Variants in ASTN2 observed in about 807,000 individuals in gnomAD.
ASTN2 encodes the protein astrotactin-2.
In ASTN2, 54 loss-of-function variants were observed where a neutral mutation model predicts 139.8. That is an observed-to-expected ratio of 0.39 (90% CI 0.31 to 0.48). The LOEUF (loss-of-function observed/expected upper bound fraction) is 0.48, where lower values mean the gene tolerates loss of function less well. Among genes scored for constraint, ASTN2 ranks in the 20% least tolerant of loss-of-function variants. The pLI is 0.95. For synonymous variants in ASTN2, 756 were observed against 719.5 expected (o/e 1.05, Z -0.81); for missense variants, 1,565 against 1,725.1 (o/e 0.91, Z 1.64).
chr9:117,195,206 T>C (rs1831464769), intron 3 of ASTN2, among the ~76,000 whole-genome samples: 1 of 151,982 alleles, frequency 6.6e-6, no homozygotes, highest in East Asian at 1.9e-4. Flanking sequence ...AGAAAAGAGG[T>C]TTGTCTGAAG....
At chr9:117,200,487 T>G (rs1564474310) in intron 3 of ASTN2, among the ~76,000 whole-genome samples, 1 of 152,166 alleles carries the variant, frequency 6.6e-6, no homozygotes, top group African/African-American at 2.4e-5. Flanking sequence ...AATATGATAT[T>G]GGCTGTGGGT....
At chr9:116,799,248 T>C (rs548388480) in intron 13 of ASTN2, among the ~76,000 whole-genome samples, 2 of 152,278 alleles carry the variant, frequency 1.3e-5, no homozygotes, top group East Asian at 1.9e-4. Context: ...GAGTGAGTGC[T>C]ACTAACAAAC....
At chr9:117,131,500 C>T (rs1438027401) in intron 4 of ASTN2, among the ~76,000 whole-genome samples, 1 of 152,120 alleles carries the variant, frequency 6.6e-6, no homozygotes, top group African/African-American at 2.4e-5. Flanking sequence ...GGAAAATTTG[C>T]ATCTGTAGAG....
intron 10 of ASTN2, among the ~76,000 whole-genome samples, chr9:116,889,720 TACACACAC>T (rs9299242): frequency 0.064 from 8,734 of 136,546 alleles, 313 homozygotes; most frequent in African/African-American, 0.097. Context: ...ACCTTGTCTC[TACACACAC>T]ACACACACAC....
chr9:116,640,868 C>T (rs1052227857), intron 17 of ASTN2, among the ~76,000 whole-genome samples: 6 of 152,076 alleles, frequency 3.9e-5, no homozygotes, highest in African/African-American at 7.2e-5. Flanking sequence ...TGAAATAGTA[C>T]AGGCAAGATT....
At chr9:116,697,920 C>T (rs1353830472) in intron 16 of ASTN2, 4 of 1,614,104 alleles carry the variant, frequency 2.5e-6, no homozygotes, top group East Asian at 2.2e-5. Flanking sequence ...CAATGGTGTC[C>T]GCTGTCCCTT....
intron 3 of ASTN2, among the ~76,000 whole-genome samples, chr9:117,164,758 C>T (rs1022858456): frequency 5.9e-5 from 9 of 152,076 alleles, no homozygotes; most frequent in African/African-American, 2.2e-4. Context: ...CTGACCCCTG[C>T]TGCTGTGAAC....
chr9:116,838,110 TGTTTTG>T (rs1832067434), intron 11 of ASTN2, among the ~76,000 whole-genome samples: 5 of 134,664 alleles, frequency 3.7e-5, no homozygotes, highest in African/African-American at 5.7e-5. Context: ...TGTTTTTTTT[TGTTTTG>T]TTTTGTTTTT....
At chr9:116,621,613 A>G (rs775916873) in intron 17 of ASTN2, among the ~76,000 whole-genome samples, 1 of 152,108 alleles carries the variant, frequency 6.6e-6, no homozygotes, top group Non-Finnish European at 1.5e-5. Flanking sequence ...TAACACATAG[A>G]CCATACCTAC....
At chr9:116,803,529 T>TA (rs1830952289) in intron 13 of ASTN2, among the ~76,000 whole-genome samples, 2 of 56,728 alleles carry the variant, frequency 3.5e-5, no homozygotes, top group Non-Finnish European at 2.9e-5. Flanking sequence ...TATATTTTTT[T>TA]TTTTTTTTTT....
At chr9:117,159,966 ATCT>A (rs1830511282) in intron 3 of ASTN2, among the ~76,000 whole-genome samples, 1 of 152,042 alleles carries the variant, frequency 6.6e-6, no homozygotes, top group African/African-American at 2.4e-5. Context: ...CATGTCTCAC[ATCT>A]TCTTTAAGCC....
chr9:116,812,922 T>G (rs1167329851), intron 12 of ASTN2, among the ~76,000 whole-genome samples: 1 of 152,080 alleles, frequency 6.6e-6, no homozygotes, highest in African/African-American at 2.4e-5. Context: ...TAAAGGAAAA[T>G]GATCCCCTGA....
At chr9:116,711,378 C>G (rs1462248603) in intron 16 of ASTN2, among the ~76,000 whole-genome samples, 2 of 152,164 alleles carry the variant, frequency 1.3e-5, no homozygotes, top group Non-Finnish European at 2.9e-5. Context: ...AGAAATAATA[C>G]AAGGTATGGC....
chr9:116,845,382 C>T (rs535650179), intron 11 of ASTN2, among the ~76,000 whole-genome samples: 12 of 152,266 alleles, frequency 7.9e-5, no homozygotes, highest in African/African-American at 2.9e-4. Context: ...GCCTCCCAAA[C>T]GTACCATTCC....
chr9:116,778,947 G>T (rs1204166338), intron 13 of ASTN2, among the ~76,000 whole-genome samples: 1 of 152,102 alleles, frequency 6.6e-6, no homozygotes, highest in Non-Finnish European at 1.5e-5. Flanking sequence ...AGGAACTATC[G>T]CATACTGTTA....
intron 2 of ASTN2, among the ~76,000 whole-genome samples, chr9:117,279,020 G>A (rs1053186725): frequency 6.6e-6 from 1 of 152,174 alleles, no homozygotes; most frequent in Non-Finnish European, 1.5e-5. Flanking sequence ...CTCTATTAAA[G>A]GGGTTGAACT....
chr9:117,326,466 A>G (rs1053108970), intron 1 of ASTN2, among the ~76,000 whole-genome samples: 1 of 152,202 alleles, frequency 6.6e-6, no homozygotes, highest in Non-Finnish European at 1.5e-5. Context: ...AAATAATACC[A>G]GTGAGTGCAA....
chr9:117,022,278 C>T (rs1235461504), intron 6 of ASTN2, among the ~76,000 whole-genome samples: 3 of 152,030 alleles, frequency 2.0e-5, no homozygotes, highest in East Asian at 3.9e-4. Context: ...CCAAGCCTGG[C>T]GCTTCAGCCA....
intron 19 of ASTN2, among the ~76,000 whole-genome samples, chr9:116,519,562 G>A (rs1850784819): frequency 6.6e-6 from 1 of 152,072 alleles, no homozygotes; most frequent in Non-Finnish European, 1.5e-5. Context: ...AAGTCTGAAA[G>A]AGCATAAATT....
Sources: gnomAD v4.1 joint callset for allele counts (sites outside exome capture counted in the v4.1 genomes callset) on GRCh38, gnomAD v4.1.1 for gene constraint, MANE v1.5 for transcripts, NCBI Gene and HGNC (gene_info 2026-07-23, HGNC 2026-07-21) for gene names.